Variants in HACD3 observed in about 807,000 individuals in gnomAD.
The protein encoded by HACD3 is very-long-chain (3R)-3-hydroxyacyl-CoA dehydratase 3.
HACD3 carries 30 observed loss-of-function variants against 55.2 expected under a neutral mutation model. The ratio of observed to expected loss-of-function variants is 0.54; its 90% CI spans 0.41 to 0.74. The LOEUF is 0.74. Ranked by LOEUF, HACD3 falls within the 30% of genes least tolerant of loss-of-function variation. The probability of loss-of-function intolerance (pLI) is 0.00; values close to 1 mark genes in which losing one functional copy is unlikely to be tolerated. For missense variants in HACD3, 363 were observed against 440.1 expected (o/e 0.82, Z 1.57); for synonymous variants, 141 against 151.7 (o/e 0.93, Z 0.52).
At chr15:65,543,455 T>G (rs1386383693) in intron 1 of HACD3, among the ~76,000 whole-genome samples, 2 of 152,210 alleles carry the variant, frequency 1.3e-5, no homozygotes, top group East Asian at 1.9e-4. Flanking sequence ...GAAACTTTTT[T>G]GGGATAAAAC....
At chr15:65,567,689 A>T (rs1037012892) in intron 7 of HACD3, among the ~76,000 whole-genome samples, 1 of 152,200 alleles carries the variant, frequency 6.6e-6, no homozygotes, top group Non-Finnish European at 1.5e-5. Context: ...TGTTACATAC[A>T]TACAATGGGA....
intron 1 of HACD3, among the ~76,000 whole-genome samples, chr15:65,550,160 G>C (rs1487382580): frequency 6.6e-6 from 1 of 152,196 alleles, no homozygotes; most frequent in Non-Finnish European, 1.5e-5. Flanking sequence ...GGCCGAGGCA[G>C]GCAGATCACC....
At chr15:65,530,916 A>C in intron 1 of HACD3, 198 bp downstream of exon 1, 1 of 552,254 alleles carries the variant, frequency 1.8e-6, no homozygotes, top group Non-Finnish European at 3.1e-6. Flanking sequence ...CAACCCCCCG[A>C]GGGCTGCAGG....
chr15:65,568,970 G>A (rs1458356683), intron 7 of HACD3, among the ~76,000 whole-genome samples: 3 of 152,146 alleles, frequency 2.0e-5, no homozygotes, highest in Admixed American at 6.5e-5. Flanking sequence ...AGTCTTGGCC[G>A]GGCGCGGTGG....
chr15:65,570,669 C>T (rs867793579), intron 8 of HACD3, among the ~76,000 whole-genome samples: 24 of 152,220 alleles, frequency 1.6e-4, no homozygotes, highest in Admixed American at 1.3e-4. Flanking sequence ...TTCCCGTTCT[C>T]GGTTGTTAGT....
chr15:65,555,762 A>G (rs2072182717), intron 3 of HACD3, among the ~76,000 whole-genome samples: 1 of 152,180 alleles, frequency 6.6e-6, no homozygotes, highest in South Asian at 2.1e-4. Context: ...CTGTGAAAAA[A>G]TCTGTAACTG....
chr15:65,551,624 AT>A (rs1443258074), intron 1 of HACD3, 51 bp from the exon 2 acceptor site: 1 of 1,606,950 alleles, frequency 6.2e-7, no homozygotes, highest in African/African-American at 1.3e-5. Context: ...GTTTAATCTC[AT>A]TTTTTCTCTT....
At chr15:65,540,284 T>C (rs1158177355) in intron 1 of HACD3, among the ~76,000 whole-genome samples, 2 of 152,192 alleles carry the variant, frequency 1.3e-5, no homozygotes, top group African/African-American at 2.4e-5. Flanking sequence ...TGCTAAGTAC[T>C]AGATATTCAG....
chr15:65,568,653 C>T (rs1472113592), intron 7 of HACD3, among the ~76,000 whole-genome samples: 2 of 151,972 alleles, frequency 1.3e-5, no homozygotes, highest in Non-Finnish European at 2.9e-5. Flanking sequence ...GCCACCGCAC[C>T]CAGCCATTAT....
intron 2 of HACD3, among the ~76,000 whole-genome samples, chr15:65,552,447 T>C (rs2072143467): frequency 6.6e-6 from 1 of 152,170 alleles, no homozygotes; most frequent in African/African-American, 2.4e-5. Flanking sequence ...GTGATTCTCG[T>C]GCCTCAGTCT....
chr15:65,551,531 A>T (rs2072132429), intron 1 of HACD3, 145 bp from the exon 2 acceptor site: 1 of 890,572 alleles, frequency 1.1e-6, no homozygotes. Flanking sequence ...AGATGTGAAT[A>T]AATGACTAAA....
rs2072415333 is a variant in HACD3 at position 65,577,428 on chromosome 15, CAA to C, written c.*1051_*1052del. 3 of 151,828 alleles carry C rather than the reference CAA, an allele frequency of 2.0e-5. No individual in the cohort carries two copies. Among genetic ancestry groups the C allele is most frequent in the Non-Finnish European group, 4.4e-5 (3 of 68,292 alleles). The allele number at this position is 151,828 out of a possible 1,614,324, so 9.4% of individuals were successfully genotyped here. ...GACAGTGCAAGACCCTGTCTCAAAC[CAA>C]ACCAAACCACACACACACAAACACA... On this transcript the variant is annotated 3_prime_UTR_variant, in exon 11 of 11. Coordinates refer to ENST00000261875, the MANE Select transcript of HACD3 (RefSeq NM_016395.4).
rs376947421 is a variant in HACD3, at chr15:65,531,851, C to T, written c.87+1133C>T. On this transcript the variant is annotated intron_variant, in intron 1 of 10. Transcript: ENST00000261875. Reference sequence around the variant, plus strand: ...AAAGTGCTGGGATTACAGGCATGAGCCACCGCGCCCAGCCTCTGGAAGGTT... The same window carrying T: ...AAAGTGCTGGGATTACAGGCATGAGTCACCGCGCCCAGCCTCTGGAAGGTT... Among the ~76,000 whole-genome samples the T allele has an allele frequency of 1.9e-3, 292 of 152,178 alleles. 1 individual carries two copies. The highest frequency in any genetic ancestry group is 0.01 in the Middle Eastern group (3 of 294).
chr15:65,544,520 T>G (rs909131388), intron 1 of HACD3, among the ~76,000 whole-genome samples: 2 of 152,188 alleles, frequency 1.3e-5, no homozygotes, highest in African/African-American at 4.8e-5. Flanking sequence ...AGGAAAAGTG[T>G]ACAAGGGATC....
intron 1 of HACD3, among the ~76,000 whole-genome samples, chr15:65,547,426 A>G (rs1390482860): frequency 1.3e-5 from 2 of 152,168 alleles, no homozygotes; most frequent in African/African-American, 2.4e-5. Flanking sequence ...AGTACCCATG[A>G]TTTTTATTGG....
At chr15:65,561,784 TC>T (rs367719148) in intron 5 of HACD3, among the ~76,000 whole-genome samples, 133 of 152,188 alleles carry the variant, frequency 8.7e-4, no homozygotes, top group Non-Finnish European at 1.3e-3. Flanking sequence ...GATGGAGGGC[TC>T]AGTCCCCAAG....
chr15:65,572,322 G>A lies in HACD3; in HGVS notation c.968G>A (p.Arg323Lys). ...TLPYPVKIKV[R>K]FSFFLQIYLI... ...CCATATCCAGTGAAAATCAAAGTTA[G>A]ATTTTCCTTTTTTCTTCAGATTTAT... Residue 323 changes from arginine (R) to lysine (K), a missense_variant, in exon 10 of 11, where the codon AGA (arginine) becomes AAA (lysine). By Grantham distance (26) the Arg-to-Lys change is conservative. Transcript: ENST00000261875. The A allele has an allele frequency of 6.2e-7, 1 of 1,612,786 alleles. No homozygotes were observed. Among genetic ancestry groups the A allele is most frequent in the Non-Finnish European group, 8.5e-7 (1 of 1,179,688 alleles).
At chr15:65,571,480 A>G in intron 8 of HACD3, 68 bp from the exon 9 acceptor site, 1 of 1,095,136 alleles carries the variant, frequency 9.1e-7, no homozygotes. Context: ...TTCTATTTAA[A>G]TGATATTCTA....
chr15:65,556,989 T>A, intron 4 of HACD3, 86 bp downstream of exon 4: 1 of 1,279,722 alleles, frequency 7.8e-7, no homozygotes. Flanking sequence ...CCTCTCGGTC[T>A]GAAAGAATAG....
Sources: gnomAD v4.1 joint callset for allele counts (sites outside exome capture counted in the v4.1 genomes callset) on GRCh38, gnomAD v4.1.1 for gene constraint, MANE v1.5 for transcripts, NCBI Gene and HGNC (gene_info 2026-07-23, HGNC 2026-07-21) for gene names.